Variants in ASH1L observed in about 807,000 individuals in gnomAD.
ASH1L encodes histone-lysine N-methyltransferase ASH1L.
ASH1L carries 23 observed loss-of-function variants against 269.0 expected under a neutral mutation model. That is an observed-to-expected ratio of 0.09 (90% confidence interval 0.06 to 0.12). ASH1L has a LOEUF of 0.12. ASH1L is among the 10% of genes least tolerant of loss of function. The pLI, the probability that ASH1L is intolerant of heterozygous loss-of-function variation, is 1.00. For synonymous variants in ASH1L, 1,187 were observed against 1,253.5 expected (o/e 0.95, Z 1.12); for missense variants, 2,912 against 3,567.8 (o/e 0.82, Z 4.68).
intron 1 of ASH1L, among the ~76,000 whole-genome samples, chr1:155,546,543 G>A (rs1270694396): frequency 2.6e-5 from 4 of 151,920 alleles, no homozygotes; most frequent in Non-Finnish European, 5.9e-5. Context: ...GGCAGATCAC[G>A]AGGTCAGGAG....
At chr1:155,532,409 C>T (rs1035057227) in intron 1 of ASH1L, among the ~76,000 whole-genome samples, 1 of 152,066 alleles carries the variant, frequency 6.6e-6, no homozygotes, top group African/African-American at 2.4e-5. Context: ...TACAAATTTA[C>T]AAATACATAT....
intron 2 of ASH1L, among the ~76,000 whole-genome samples, chr1:155,485,128 T>A (rs1414936087): frequency 1.3e-5 from 2 of 149,828 alleles, no homozygotes; most frequent in African/African-American, 4.9e-5. Flanking sequence ...TGGTGGCGCA[T>A]GCCTGTAGTC....
At chr1:155,456,194 G>T (rs898610001) in intron 4 of ASH1L, among the ~76,000 whole-genome samples, 1 of 152,148 alleles carries the variant, frequency 6.6e-6, no homozygotes, top group African/African-American at 2.4e-5. Context: ...AAGAAATGTT[G>T]TCCATGTATT....
intron 5 of ASH1L, among the ~76,000 whole-genome samples, chr1:155,430,458 T>G (rs1423196937): frequency 1.3e-5 from 2 of 152,170 alleles, no homozygotes; most frequent in Non-Finnish European, 2.9e-5. Context: ...AGGTAATTTC[T>G]TTTGAGTATG....
chr1:155,392,558 G>A (rs1419166647), intron 7 of ASH1L, among the ~76,000 whole-genome samples: 4 of 151,836 alleles, frequency 2.6e-5, no homozygotes, highest in South Asian at 2.1e-4. Flanking sequence ...GCATGATCTC[G>A]GCTCTCTGCA....
chr1:155,399,781 A>C (rs1658675107), intron 6 of ASH1L, among the ~76,000 whole-genome samples: 2 of 152,214 alleles, frequency 1.3e-5, no homozygotes, highest in Non-Finnish European at 2.9e-5. Context: ...TGAAAAGATA[A>C]ATGGGATTTT....
intron 26 of ASH1L, among the ~76,000 whole-genome samples, chr1:155,338,889 G>C (rs932879795): frequency 6.6e-6 from 1 of 152,128 alleles, no homozygotes; most frequent in African/African-American, 2.4e-5. Flanking sequence ...TGAAGAAAAA[G>C]CCTTCTGTCA....
intron 25 of ASH1L, among the ~76,000 whole-genome samples, chr1:155,341,552 T>C (rs1652820391): frequency 6.6e-6 from 1 of 152,116 alleles, no homozygotes; most frequent in Non-Finnish European, 1.5e-5. Flanking sequence ...TTATTTTCTG[T>C]GAAGGTTCTT....
intron 2 of ASH1L, among the ~76,000 whole-genome samples, chr1:155,489,422 C>G (rs1248031745): frequency 6.9e-6 from 1 of 145,666 alleles, no homozygotes; most frequent in Non-Finnish European, 1.5e-5. Context: ...TGCAGTGAGC[C>G]GAGATTGTGT....
At chr1:155,353,790 A>C (rs1654127695) in intron 16 of ASH1L, among the ~76,000 whole-genome samples, 2 of 152,166 alleles carry the variant, frequency 1.3e-5, no homozygotes, top group African/African-American at 4.8e-5. Flanking sequence ...AAGGTCTTCA[A>C]ACTGATAATG....
At chr1:155,344,543 T>G (rs1653071240) in intron 21 of ASH1L, 1 of 307,894 alleles carries the variant, frequency 3.2e-6, no homozygotes, top group African/African-American at 2.2e-5. Flanking sequence ...TGAAAATGTG[T>G]GAAGGGAGAC....
At chr1:155,482,481 G>A in intron 2 of ASH1L, 32 bp from the exon 3 acceptor site, 2 of 1,570,266 alleles carry the variant, frequency 1.3e-6, no homozygotes, top group Non-Finnish European at 8.6e-7. Context: ...AGTTAAAGAG[G>A]GAGTAAACCT....
rs138818680 is a variant in ASH1L, at chr1:155,369,125, A to C, written c.6686+1379T>G. ...TATATGGGTGTATACATTTGAAAAA[A>C]TTAATGGAAATGTACACTTAAGATC... On this transcript the variant is annotated intron_variant, in intron 12 of 27. Transcript: ENST00000392403. Among the ~76,000 whole-genome samples, 8 of 152,280 alleles carry C rather than the reference A, an allele frequency of 5.3e-5. No homozygotes were observed. The East Asian group carries it at 1.5e-3, about 29-fold the overall frequency.
At position 155,338,238 on chromosome 1, in the gene ASH1L, G is replaced by A; in HGVS notation, c.8654C>T (p.Thr2885Ile). Residue 2885 changes from threonine to isoleucine, a missense_variant, in exon 27 of 28, where the codon ACT (threonine) becomes ATT (isoleucine). Thr to Ile is a moderately conservative substitution (Grantham distance 89). Transcript: ENST00000392403. Reference sequence around the variant, plus strand: ...TTTTTCACCCTCACTGACGTTAGCAGTGGCCCCTTCCCGTTCTGGCTCCTC... The same window carrying A: ...TTTTTCACCCTCACTGACGTTAGCAATGGCCCCTTCCCGTTCTGGCTCCTC... ...SLEEPEREGATANVSEGEKKT... is the reference protein window; with the variant it reads ...SLEEPEREGAIANVSEGEKKT... The A allele has an allele frequency of 6.2e-7, 1 of 1,613,986 alleles. No individual in the cohort carries two copies.
At chr1:155,375,798 CAAA>C (rs60058591) in intron 10 of ASH1L, among the ~76,000 whole-genome samples, 1 of 138,016 alleles carries the variant, frequency 7.2e-6, no homozygotes, top group African/African-American at 2.6e-5. Flanking sequence ...AACTTCGTCT[CAAA>C]AAAAAAAAAG....
At chr1:155,352,575 C>A in intron 17 of ASH1L, 131 bp downstream of exon 17, 1 of 914,164 alleles carries the variant, frequency 1.1e-6, no homozygotes, top group Non-Finnish European at 1.6e-6. Flanking sequence ...GAGGCCTAGA[C>A]AGAAGGATCA....
At chr1:155,542,288 G>A (rs1377971687) in intron 1 of ASH1L, among the ~76,000 whole-genome samples, 3 of 152,220 alleles carry the variant, frequency 2.0e-5, no homozygotes, top group Middle Eastern at 3.4e-3. Context: ...GGTGGCTTAC[G>A]CCTGTAATCC....
intron 2 of ASH1L, among the ~76,000 whole-genome samples, chr1:155,485,160 G>A (rs2148742755): frequency 6.6e-6 from 1 of 151,046 alleles, no homozygotes; most frequent in Non-Finnish European, 1.5e-5. Context: ...GCAGGCTGAA[G>A]CAGGAGAATC....
rs200062254 is a variant in ASH1L, at chr1:155,415,891, G to A, written c.5861C>T (p.Pro1954Leu). The part of the protein sequence containing the change: ...FNEAPVEIPS[P>L]SETPAKPSEP... ...AGAAGGTTTAGCTGGGGTTTCAGAA[G>A]GACTGGGAATCTCAACTGGTGCTTC... The change falls in exon 6 of 28, where the codon CCT (proline) becomes CTT (leucine). Residue 1954 changes from proline to leucine, a missense_variant. This residue lies in a region of ASH1L where 193 missense variants were observed against 311.6 expected (regional missense o/e 0.62). Transcript: ENST00000392403. 1 of 1,601,926 alleles carries A rather than the reference G, an allele frequency of 6.2e-7. No individual in the cohort carries two copies.
Sources: allele counts gnomAD v4.1 joint callset (sites outside exome capture counted in the v4.1 genomes callset), GRCh38; gene constraint gnomAD v4.1.1; regional missense constraint gnomAD v4.1.1; transcripts MANE v1.5; gene names NCBI Gene and HGNC (gene_info 2026-07-23, HGNC 2026-07-21).